The following HEMK2 variants were observed in gnomAD, a reference collection of about 807,000 sequenced individuals.
The protein encoded by HEMK2 is HemK methyltransferase 2, ETF1 glutamine and histone H4 lysine.
chr21:28,693,078 G>A, the HEMK2 span, among the ~76,000 whole-genome samples: 1 of 152,126 alleles, frequency 6.6e-6, no homozygotes, highest in African/African-American at 2.4e-5. Context: ...AGATAGTGGT[G>A]ATGATTGCAT....
chr21:28,710,096 T>C, the HEMK2 span, among the ~76,000 whole-genome samples: 4 of 152,188 alleles, frequency 2.6e-5, no homozygotes, highest in Non-Finnish European at 1.5e-5. Flanking sequence ...TTTTACCACA[T>C]GACACTTTTC....
the HEMK2 span, among the ~76,000 whole-genome samples, chr21:28,809,587 T>C: frequency 6.6e-6 from 1 of 152,214 alleles, no homozygotes; most frequent in Admixed American, 6.5e-5. Context: ...GGCTACTAAC[T>C]TCATTTAAAA....
At chr21:28,578,472 T>G in the HEMK2 span, among the ~76,000 whole-genome samples, 2 of 152,250 alleles carry the variant, frequency 1.3e-5, no homozygotes, top group South Asian at 4.1e-4. Context: ...TAGTTGCATA[T>G]AATCACAGAC....
At chr21:28,586,241 C>T in the HEMK2 span, among the ~76,000 whole-genome samples, 1 of 152,076 alleles carries the variant, frequency 6.6e-6, no homozygotes, top group African/African-American at 2.4e-5. Context: ...AATAAAAAGG[C>T]TAAAATTTTC....
At chr21:28,687,586 CTTG>C in the HEMK2 span, among the ~76,000 whole-genome samples, 2 of 99,038 alleles carry the variant, frequency 2.0e-5, no homozygotes, top group Non-Finnish European at 3.5e-5. Context: ...ACCAGACCAA[CTTG>C]TTTTTTTCAA....
the HEMK2 span, among the ~76,000 whole-genome samples, chr21:28,624,562 T>A: frequency 6.6e-6 from 1 of 152,188 alleles, no homozygotes; most frequent in Admixed American, 6.6e-5. Flanking sequence ...CCCACAGTCA[T>A]GTGTCTGGTC....
At chr21:28,790,076 T>C in the HEMK2 span, among the ~76,000 whole-genome samples, 1 of 152,200 alleles carries the variant, frequency 6.6e-6, no homozygotes, top group African/African-American at 2.4e-5. Flanking sequence ...ACTTGGCCAC[T>C]TCACAAACAC....
At chr21:28,812,024 G>A in the HEMK2 span, among the ~76,000 whole-genome samples, 8 of 152,180 alleles carry the variant, frequency 5.3e-5, no homozygotes, top group Non-Finnish European at 1.0e-4. Flanking sequence ...ATGGATCCAC[G>A]TGACTATTGA....
the HEMK2 span, among the ~76,000 whole-genome samples, chr21:28,637,355 T>C: frequency 6.6e-6 from 1 of 152,172 alleles, no homozygotes; most frequent in Admixed American, 6.5e-5. Context: ...TGTGTGATTT[T>C]TGAGACACAA....
At chr21:28,592,322 T>A in the HEMK2 span, among the ~76,000 whole-genome samples, 1 of 152,184 alleles carries the variant, frequency 6.6e-6, no homozygotes, top group Non-Finnish European at 1.5e-5. Context: ...GTTTTACACA[T>A]CAATAGTGAG....
At chr21:28,788,005 A>G in the HEMK2 span, among the ~76,000 whole-genome samples, 24 of 152,176 alleles carry the variant, frequency 1.6e-4, no homozygotes, top group African/African-American at 5.3e-4. Flanking sequence ...TGGTATGTAT[A>G]TATATATGTA....
chr21:28,721,412 G>C, the HEMK2 span, among the ~76,000 whole-genome samples: 1 of 152,126 alleles, frequency 6.6e-6, no homozygotes, highest in Non-Finnish European at 1.5e-5. Flanking sequence ...ACCACGCCCA[G>C]CATGAATAAT....
At chr21:28,639,380 A>G in the HEMK2 span, among the ~76,000 whole-genome samples, 1 of 152,380 alleles carries the variant, frequency 6.6e-6, no homozygotes, top group Admixed American at 6.5e-5. Context: ...TTTATTTAGC[A>G]CATATTAATT....
chr21:28,608,646 G>A, the HEMK2 span, among the ~76,000 whole-genome samples: 3 of 152,320 alleles, frequency 2.0e-5, no homozygotes, highest in Non-Finnish European at 2.9e-5. Flanking sequence ...TGGGAGGCTT[G>A]TAGCCTTGAG....
At chr21:28,656,566 G>C in the HEMK2 span, among the ~76,000 whole-genome samples, 1 of 151,916 alleles carries the variant, frequency 6.6e-6, no homozygotes, top group Non-Finnish European at 1.5e-5. Flanking sequence ...CAATACCCTT[G>C]TTAACTCATT....
At chr21:28,756,574 C>A in the HEMK2 span, among the ~76,000 whole-genome samples, 1 of 152,090 alleles carries the variant, frequency 6.6e-6, no homozygotes, top group Non-Finnish European at 1.5e-5. Context: ...TCCAAACAAC[C>A]TTGTGAGATA....
the HEMK2 span, among the ~76,000 whole-genome samples, chr21:28,845,967 G>A: frequency 6.6e-6 from 1 of 151,996 alleles, no homozygotes; most frequent in South Asian, 2.1e-4. Flanking sequence ...CCCTCAAGTA[G>A]GCCCAGTGTT....
At chr21:28,682,946 A>G in the HEMK2 span, among the ~76,000 whole-genome samples, 2 of 152,226 alleles carry the variant, frequency 1.3e-5, no homozygotes, top group African/African-American at 4.8e-5. Flanking sequence ...ACCTAATGTT[A>G]AATGACAAGT....
the HEMK2 span, among the ~76,000 whole-genome samples, chr21:28,866,154 ACAAAAACAAAC>A: frequency 7.6e-4 from 71 of 93,332 alleles, 9 homozygotes; most frequent in South Asian, 5.7e-3. Flanking sequence ...TACAGAAAAA[ACAAAAACAAAC>A]AAAAAAAAAA....
Sources: gnomAD v4.1 joint callset for allele counts (sites outside exome capture counted in the v4.1 genomes callset) on GRCh38, gnomAD v4.1.1 for gene constraint, MANE v1.5 for transcripts, NCBI Gene and HGNC (gene_info 2026-07-23, HGNC 2026-07-21) for gene names.